EXOC6B: variants seen among roughly 807,000 people sequenced by gnomAD.
EXOC6B encodes the protein exocyst complex component 6B.
A neutral mutation model predicts 113.5 loss-of-function variants in EXOC6B; 54 were observed. The observed-to-expected ratio is 0.48, with a 90% CI of 0.38 to 0.60. The LOEUF (loss-of-function observed/expected upper bound fraction) is 0.60. Ranked by LOEUF, EXOC6B falls within the 20% of genes least tolerant of loss-of-function variation. The pLI is 0.00. For synonymous variants in EXOC6B, 357 were observed against 339.0 expected, an observed-to-expected ratio of 1.05 and a Z score of -0.58; for missense variants, 797 against 977.5, an observed-to-expected ratio of 0.82 and a Z score of 2.46.
intron 8 of EXOC6B, among the ~76,000 whole-genome samples, chr2:72,558,822 T>C (rs745380222): frequency 3.3e-5 from 5 of 151,854 alleles, no homozygotes; most frequent in Non-Finnish European, 7.4e-5. Context: ...GATAAGAGAC[T>C]GGGCAATAAG....
intron 20 of EXOC6B, among the ~76,000 whole-genome samples, chr2:72,273,856 G>T (rs950540376): frequency 6.6e-6 from 1 of 152,070 alleles, no homozygotes; most frequent in South Asian, 2.1e-4. Context: ...AGTAATGGGG[G>T]TGGGGACGGG....
chr2:72,610,624 A>G (rs1393786716), intron 6 of EXOC6B, among the ~76,000 whole-genome samples: 1 of 152,204 alleles, frequency 6.6e-6, no homozygotes, highest in East Asian at 1.9e-4. Flanking sequence ...GTGGGTCCAT[A>G]CTGATATAAA....
chr2:72,300,197 CT>C (rs1308428136), intron 20 of EXOC6B, among the ~76,000 whole-genome samples: 1 of 151,988 alleles, frequency 6.6e-6, no homozygotes, highest in Admixed American at 6.6e-5. Flanking sequence ...GGGGCTGCTG[CT>C]TTTTTTTCAG....
chr2:72,610,730 G>A (rs1428297564), intron 6 of EXOC6B, among the ~76,000 whole-genome samples: 1 of 152,058 alleles, frequency 6.6e-6, no homozygotes, highest in Non-Finnish European at 1.5e-5. Context: ...AGTTTACATA[G>A]ATACCACAGC....
chr2:72,315,606 A>C (rs1160595699), intron 20 of EXOC6B, among the ~76,000 whole-genome samples: 1 of 152,196 alleles, frequency 6.6e-6, no homozygotes, highest in African/African-American at 2.4e-5. Context: ...AATGATAGTT[A>C]AAAGTGGTTG....
At chr2:72,440,227 T>C (rs1444444047) in intron 18 of EXOC6B, among the ~76,000 whole-genome samples, 4 of 152,120 alleles carry the variant, frequency 2.6e-5, no homozygotes. Flanking sequence ...CTGGGGTCCA[T>C]TTCTGTGCCC....
intron 13 of EXOC6B, among the ~76,000 whole-genome samples, chr2:72,498,124 A>G (rs919052129): frequency 1.3e-5 from 2 of 152,152 alleles, no homozygotes; most frequent in African/African-American, 4.8e-5. Flanking sequence ...CAAAATGAAA[A>G]CCAAATAACA....
intron 20 of EXOC6B, among the ~76,000 whole-genome samples, chr2:72,303,517 G>T (rs1439585654): frequency 6.6e-6 from 1 of 151,860 alleles, no homozygotes; most frequent in Non-Finnish European, 1.5e-5. Context: ...CCTCAGCTTG[G>T]TTTTTCATCT....
chr2:72,472,088 C>G (rs1048314175), intron 17 of EXOC6B, among the ~76,000 whole-genome samples: 2 of 152,024 alleles, frequency 1.3e-5, no homozygotes. Flanking sequence ...GATCATCATA[C>G]ATTATCTTTT....
chr2:72,659,204 G>C (rs1674827879), intron 6 of EXOC6B, among the ~76,000 whole-genome samples: 1 of 152,098 alleles, frequency 6.6e-6, no homozygotes, highest in African/African-American at 2.4e-5. Context: ...CCTAAAATGA[G>C]ATATTATACT....
chr2:72,757,798 T>A (rs2104884623), intron 1 of EXOC6B, among the ~76,000 whole-genome samples: 1 of 152,276 alleles, frequency 6.6e-6, no homozygotes, highest in South Asian at 2.1e-4. Flanking sequence ...TCAGAATTTT[T>A]AAAATTCAGT....
rs1181394317 is a variant in EXOC6B at position 72,785,965 on chromosome 2, T to C, written c.113+39833A>G. On this transcript the variant is annotated intron_variant, in intron 1 of 21. Transcript: ENST00000272427. ...CAGGCTGGGTGTGGTGGCTCACACC[T>C]GTAATCCCAGCTCTTTGGGGAGCCA... 8.5e-5 allele frequency among the ~76,000 whole-genome samples: 13 copies of C among 152,190 alleles called. 1 individual carries two copies. The highest frequency in any genetic ancestry group is 1.9e-4 in the Non-Finnish European group (13 of 68,032).
At chr2:72,190,147 T>C (rs1193185279) in intron 20 of EXOC6B, among the ~76,000 whole-genome samples, 3 of 151,756 alleles carry the variant, frequency 2.0e-5, no homozygotes, top group Admixed American at 1.3e-4. Flanking sequence ...CCTCCCACCT[T>C]CACCTCCCTG....
chr2:72,459,183 T>C (rs1418106088), intron 18 of EXOC6B, among the ~76,000 whole-genome samples: 1 of 152,036 alleles, frequency 6.6e-6, no homozygotes, highest in Non-Finnish European at 1.5e-5. Flanking sequence ...CTCAATAAAT[T>C]AGGTATTGAT....
chr2:72,374,665 C>T (rs140834892), intron 19 of EXOC6B, among the ~76,000 whole-genome samples: 34 of 151,636 alleles, frequency 2.2e-4, no homozygotes, highest in African/African-American at 8.0e-4. Flanking sequence ...TTTAATGGTA[C>T]ATTTTAAAAT....
intron 19 of EXOC6B, among the ~76,000 whole-genome samples, chr2:72,354,448 G>T (rs1405613156): frequency 6.6e-6 from 1 of 152,182 alleles, no homozygotes; most frequent in African/African-American, 2.4e-5. Flanking sequence ...AGAGCAGCAT[G>T]ATCCATCTCC....
intron 6 of EXOC6B, among the ~76,000 whole-genome samples, chr2:72,694,645 A>C (rs190463200): frequency 4.5e-4 from 69 of 152,270 alleles, no homozygotes; most frequent in Non-Finnish European, 8.2e-4. Flanking sequence ...TGTTGTTTGA[A>C]GGGGAAGGAA....
intron 6 of EXOC6B, among the ~76,000 whole-genome samples, chr2:72,623,960 T>C (rs892186131): frequency 1.3e-5 from 2 of 152,196 alleles, no homozygotes; most frequent in Admixed American, 1.3e-4. Context: ...TTCGTAGCAG[T>C]ACACATAATG....
At chr2:72,772,248 C>T (rs545551047) in intron 1 of EXOC6B, among the ~76,000 whole-genome samples, 4 of 152,222 alleles carry the variant, frequency 2.6e-5, no homozygotes, top group Non-Finnish European at 4.4e-5. Flanking sequence ...CCAGGCCAGC[C>T]GCCATGTACC....
Sources: allele counts gnomAD v4.1 joint callset (sites outside exome capture counted in the v4.1 genomes callset), GRCh38; gene constraint gnomAD v4.1.1; transcripts MANE v1.5; gene names NCBI Gene and HGNC (gene_info 2026-07-23, HGNC 2026-07-21).